The following TTC28 variants were observed in gnomAD, a reference collection of about 807,000 sequenced individuals.
TTC28 encodes the protein tetratricopeptide repeat protein 28.
Under a neutral mutation model 198.0 loss-of-function variants are expected in TTC28, and 61 were observed. The ratio of observed to expected loss-of-function variants is 0.31; its 90% CI spans 0.25 to 0.38. TTC28 has a LOEUF of 0.38. Among genes scored for constraint, TTC28 ranks in the 10% least tolerant of loss-of-function variants. The probability of loss-of-function intolerance (pLI) is 1.00; values close to 1 mark genes in which losing one functional copy is unlikely to be tolerated. For synonymous variants in TTC28, 1,171 were observed against 1,297.8 expected, an observed-to-expected ratio of 0.90 and a Z score of 2.10; for missense variants, 2,678 against 3,164.0, an observed-to-expected ratio of 0.85 and a Z score of 3.69.
Position 28,108,413 on chromosome 22 carries a change from A to T in TTC28, c.1442-10T>A. ...ATCTGGTGTATGATTCCTGAGAAAG[A>T]GAATAAAAGAACAGACTAAGACTGA... On this transcript the variant is annotated splice_polypyrimidine_tract_variant and intron_variant, in intron 6 of 22. Transcript: ENST00000397906. 1 of 1,435,132 alleles carries T rather than the reference A, an allele frequency of 7.0e-7. No homozygotes were observed. Among genetic ancestry groups the T allele is most frequent in the Non-Finnish European group, 9.2e-7 (1 of 1,090,724 alleles). 88.9% of individuals were successfully genotyped at this position (1,435,132 alleles called of 1,614,324 possible).
chr22:28,608,195 C>A (rs2146140128), intron 2 of TTC28, among the ~76,000 whole-genome samples: 1 of 152,296 alleles, frequency 6.6e-6, no homozygotes, highest in East Asian at 1.9e-4. Flanking sequence ...TTTTTCCTCA[C>A]CTATGTGATC....
intron 2 of TTC28, among the ~76,000 whole-genome samples, chr22:28,605,434 T>C (rs2050713484): frequency 6.6e-6 from 1 of 152,220 alleles, no homozygotes; most frequent in South Asian, 2.1e-4. Context: ...CTTTTGTTTG[T>C]AGTTTTTTCT....
intron 5 of TTC28, among the ~76,000 whole-genome samples, chr22:28,215,501 A>C (rs1927316662): frequency 6.6e-6 from 1 of 152,206 alleles, no homozygotes. Context: ...ATTTGGTGAT[A>C]AATTTTCTTC....
At chr22:28,662,850 C>A (rs1469593479) in intron 1 of TTC28, among the ~76,000 whole-genome samples, 3 of 152,136 alleles carry the variant, frequency 2.0e-5, no homozygotes, top group African/African-American at 4.8e-5. Context: ...TGTTGCTACA[C>A]AAGCCAAAAA....
chr22:27,993,278 A>G lies in TTC28; in HGVS notation c.5476+9T>C. 1 of 1,517,170 alleles carries G rather than the reference A, an allele frequency of 6.6e-7. No individual in the cohort carries two copies. The highest frequency in any genetic ancestry group is 8.8e-7 in the Non-Finnish European group (1 of 1,131,574). 94.0% of individuals were successfully genotyped at this position (1,517,170 alleles called of 1,614,324 possible). A position where few individuals can be genotyped will look rare whatever the true frequency, so the allele number is the denominator to read the frequency against. On this transcript the variant is annotated intron_variant, in intron 18 of 22. Transcript: ENST00000397906. ...GGCCTGTTGCCCCAGCCCTACACCCACAGCTCACCCAGCAGGGACTGGAGT... is the reference window on the plus strand; with the variant it reads ...GGCCTGTTGCCCCAGCCCTACACCCGCAGCTCACCCAGCAGGGACTGGAGT...
chr22:28,313,451 C>T (rs1342961475), intron 2 of TTC28, among the ~76,000 whole-genome samples: 4 of 152,054 alleles, frequency 2.6e-5, no homozygotes, highest in Admixed American at 1.3e-4. Flanking sequence ...AACATCGATG[C>T]GAAAATCCTC....
chr22:28,425,974 G>A (rs1367079261), intron 2 of TTC28, among the ~76,000 whole-genome samples: 1 of 152,188 alleles, frequency 6.6e-6, no homozygotes, highest in East Asian at 1.9e-4. Context: ...ACTCTGAGAG[G>A]TTGAGGCAGA....
intron 5 of TTC28, among the ~76,000 whole-genome samples, chr22:28,203,499 G>C (rs1307693768): frequency 6.6e-6 from 1 of 152,046 alleles, no homozygotes; most frequent in Non-Finnish European, 1.5e-5. Context: ...TCATATAAAA[G>C]GAAGTGTGAT....
At chr22:27,984,756 C>A (rs1349797625) in intron 22 of TTC28, among the ~76,000 whole-genome samples, 1 of 152,362 alleles carries the variant, frequency 6.6e-6, no homozygotes, top group African/African-American at 2.4e-5. Flanking sequence ...ACCACTTTGA[C>A]CCATCTGTCA....
At chr22:28,202,500 G>A (rs1182777772) in intron 5 of TTC28, among the ~76,000 whole-genome samples, 1 of 150,704 alleles carries the variant, frequency 6.6e-6, no homozygotes, top group African/African-American at 2.4e-5. Context: ...TCGCACCACT[G>A]CACTCCAGCC....
intron 2 of TTC28, among the ~76,000 whole-genome samples, chr22:28,418,803 G>C (rs929050211): frequency 6.6e-6 from 1 of 152,128 alleles, no homozygotes; most frequent in Non-Finnish European, 1.5e-5. Flanking sequence ...AAATTTCAAG[G>C]ATCAAATAAC....
intron 5 of TTC28, among the ~76,000 whole-genome samples, chr22:28,259,189 C>T (rs1265837129): frequency 1.5e-4 from 23 of 152,020 alleles, no homozygotes; most frequent in Non-Finnish European, 2.8e-4. Context: ...GCTCATCCAC[C>T]TTTTTCTCTG....
rs538697807 is a variant in TTC28 at position 28,555,187 on chromosome 22, A to C, written c.381+74365T>G. 5.6e-4 allele frequency among the ~76,000 whole-genome samples: 86 copies of C among 152,366 alleles called. 1 individual carries two copies. The Middle Eastern group carries it at 0.024, about 42-fold the overall frequency. ...CTCCTGCAAGAATAGCCATAATGAAAAAATAATAGATGTTGGCATGGATGT... is the reference window on the plus strand; with the variant it reads ...CTCCTGCAAGAATAGCCATAATGAACAAATAATAGATGTTGGCATGGATGT... On this transcript the variant is annotated intron_variant, in intron 2 of 22. Coordinates refer to ENST00000397906, the MANE Select transcript of TTC28 (RefSeq NM_001145418.2).
At chr22:28,071,760 A>G (rs1023729682) in intron 12 of TTC28, among the ~76,000 whole-genome samples, 4 of 151,434 alleles carry the variant, frequency 2.6e-5, no homozygotes, top group African/African-American at 9.7e-5. Context: ...AAAAAAAAAA[A>G]AAAAAGAAAA....
intron 21 of TTC28, among the ~76,000 whole-genome samples, chr22:27,986,861 A>G (rs1937233320): frequency 6.6e-6 from 1 of 152,218 alleles, no homozygotes; most frequent in African/African-American, 2.4e-5. Context: ...CCTGAAAGCA[A>G]CAGGAAGACA....
chr22:28,493,247 T>C (rs1173718099), intron 2 of TTC28, among the ~76,000 whole-genome samples: 1 of 151,890 alleles, frequency 6.6e-6, no homozygotes, highest in African/African-American at 2.4e-5. Flanking sequence ...TCTCAGCTAC[T>C]CGGTAGGCTG....
At chr22:28,136,751 C>G (rs1452600164) in intron 6 of TTC28, among the ~76,000 whole-genome samples, 1 of 152,094 alleles carries the variant, frequency 6.6e-6, no homozygotes, top group Non-Finnish European at 1.5e-5. Context: ...CTTTGCATGC[C>G]CAAGGTGATT....
At chr22:28,189,522 A>AT (rs1924525411) in intron 5 of TTC28, among the ~76,000 whole-genome samples, 1 of 151,630 alleles carries the variant, frequency 6.6e-6, no homozygotes, top group Non-Finnish European at 1.5e-5. Context: ...AACTTAAGAA[A>AT]TTTTTTCCTA....
At chr22:28,631,424 T>C (rs1437282263) in intron 1 of TTC28, among the ~76,000 whole-genome samples, 1 of 152,216 alleles carries the variant, frequency 6.6e-6, no homozygotes, top group African/African-American at 2.4e-5. Context: ...GTTTTTGATG[T>C]TGATTTTTCA....
Sources: gnomAD v4.1 joint callset for allele counts (sites outside exome capture counted in the v4.1 genomes callset) on GRCh38, gnomAD v4.1.1 for gene constraint, MANE v1.5 for transcripts, NCBI Gene and HGNC (gene_info 2026-07-23, HGNC 2026-07-21) for gene names.